TANC2: variants seen among roughly 807,000 people sequenced by gnomAD.
TANC2 encodes the protein protein TANC2.
TANC2 carries 26 observed loss-of-function variants against 210.5 expected under a neutral mutation model. The ratio of observed to expected loss-of-function variants is 0.12; its 90% confidence interval spans 0.09 to 0.17. The LOEUF is 0.17. TANC2 is among the 10% of genes least tolerant of loss of function. TANC2 has a pLI of 1.00. For synonymous variants in TANC2, 931 were observed against 967.1 expected (o/e 0.96, Z 0.69); for missense variants, 2,129 against 2,608.9 (o/e 0.82, Z 4.01).
At chr17:63,125,612 T>A (rs2038679048) in intron 4 of TANC2, among the ~76,000 whole-genome samples, 1 of 152,336 alleles carries the variant, frequency 6.6e-6, no homozygotes, top group African/African-American at 2.4e-5. Flanking sequence ...ACCATTAATG[T>A]TCAGAGTATT....
At chr17:63,160,384 TA>T (rs935539295) in intron 5 of TANC2, among the ~76,000 whole-genome samples, 1 of 152,156 alleles carries the variant, frequency 6.6e-6, no homozygotes, top group Non-Finnish European at 1.5e-5. Context: ...TACACAAAAT[TA>T]AAAAATAGTT....
intron 1 of TANC2, among the ~76,000 whole-genome samples, chr17:62,975,254 G>A (rs892058929): frequency 1.3e-5 from 2 of 152,128 alleles, no homozygotes; most frequent in African/African-American, 4.8e-5. Flanking sequence ...ATTGGGTGGA[G>A]GAATCCCACA....
chr17:63,309,552 A>G (rs566274242), intron 9 of TANC2, among the ~76,000 whole-genome samples: 9 of 152,324 alleles, frequency 5.9e-5, no homozygotes, highest in Middle Eastern at 3.4e-3. Flanking sequence ...TGTGTAATAT[A>G]TATCTGCTAA....
chr17:63,423,877 G>C (rs2049082284), exon 28 of TANC2: 1 of 152,342 alleles, frequency 6.6e-6, no homozygotes, highest in Non-Finnish European at 1.5e-5. Context: ...CGCCTTCTCA[G>C]CTAGACCAGG....
chr17:63,198,642 TTCAATAAG>T (rs1282139655), intron 6 of TANC2, among the ~76,000 whole-genome samples: 1 of 152,176 alleles, frequency 6.6e-6, no homozygotes, highest in Non-Finnish European at 1.5e-5. Flanking sequence ...CCAATTCCAA[TTCAATAAG>T]TCTGGAGTGG....
intron 1 of TANC2, among the ~76,000 whole-genome samples, chr17:62,991,249 T>C (rs2032846211): frequency 6.6e-6 from 1 of 152,198 alleles, no homozygotes; most frequent in East Asian, 1.9e-4. Context: ...ATTTTATGCA[T>C]GTTTTATGCA....
chr17:63,190,088 A>C (rs1036996423), intron 5 of TANC2, among the ~76,000 whole-genome samples: 1 of 152,154 alleles, frequency 6.6e-6, no homozygotes, highest in Non-Finnish European at 1.5e-5. Context: ...TAATTTTAGC[A>C]CTTTGGGAGG....
intron 2 of TANC2, among the ~76,000 whole-genome samples, chr17:63,055,607 T>G (rs938208706): frequency 6.6e-5 from 10 of 151,944 alleles, no homozygotes; most frequent in Non-Finnish European, 4.4e-5. Context: ...CTCTATTCTA[T>G]TTCCTGTACT....
intron 8 of TANC2, among the ~76,000 whole-genome samples, chr17:63,267,479 C>T (rs1329708219): frequency 6.6e-6 from 1 of 152,108 alleles, no homozygotes; most frequent in Admixed American, 6.5e-5. Context: ...TTTAATCCCT[C>T]TGTTTAAGGT....
At chr17:63,060,575 G>A (rs569443872) in intron 2 of TANC2, among the ~76,000 whole-genome samples, 15 of 152,088 alleles carry the variant, frequency 9.9e-5, no homozygotes, top group African/African-American at 3.6e-4. Context: ...TGCTGAGATC[G>A]CACCACTGCA....
intron 8 of TANC2, among the ~76,000 whole-genome samples, chr17:63,241,871 A>G (rs2146085638): frequency 6.6e-6 from 1 of 152,354 alleles, no homozygotes; most frequent in South Asian, 2.1e-4. Flanking sequence ...TACTGATACA[A>G]GATAGCAAAG....
intron 3 of TANC2, among the ~76,000 whole-genome samples, chr17:63,086,967 T>A (rs2036991892): frequency 1.3e-5 from 2 of 152,222 alleles, no homozygotes; most frequent in African/African-American, 2.4e-5. Context: ...AAATAAAAGC[T>A]GGCCACCCCA....
At chr17:63,278,458 T>TA (rs200580150) in intron 9 of TANC2, among the ~76,000 whole-genome samples, 73 of 149,124 alleles carry the variant, frequency 4.9e-4, no homozygotes, top group African/African-American at 1.5e-3. Flanking sequence ...GGCCATTATT[T>TA]AAAAAAAAAA....
At chr17:63,198,635 A>G (rs769681593) in intron 6 of TANC2, among the ~76,000 whole-genome samples, 9 of 152,212 alleles carry the variant, frequency 5.9e-5, no homozygotes, top group Admixed American at 2.6e-4. Flanking sequence ...AAGGATTCCA[A>G]TTCCAATTCA....
chr17:63,065,329 A>G (rs1187068027), intron 2 of TANC2, among the ~76,000 whole-genome samples: 1 of 152,204 alleles, frequency 6.6e-6, no homozygotes, highest in African/African-American at 2.4e-5. Context: ...GGTTGATTCC[A>G]TATCTCTTGG....
At chr17:63,270,044 G>C (rs1261770969) in intron 9 of TANC2, among the ~76,000 whole-genome samples, 1 of 152,072 alleles carries the variant, frequency 6.6e-6, no homozygotes, top group Non-Finnish European at 1.5e-5. Flanking sequence ...TATTTTTCAA[G>C]AGCTTTCCTT....
At position 63,039,502 on chromosome 17, in the gene TANC2, A is replaced by G. The variant is rs1217495329; in HGVS notation, c.67+29876A>G. Among the ~76,000 whole-genome samples the G allele has an allele frequency of 2.0e-5, 3 of 152,194 alleles. No homozygotes were observed. The East Asian group carries it at 5.8e-4, about 29-fold the overall frequency. ...GCACCTGTGGGTTTGAGTGCGTTCA[A>G]TATACAGACTGCAGTAGGAGGCTGG... On this transcript the variant is annotated intron_variant, in intron 2 of 27. Transcript: ENST00000689528.
At chr17:63,291,734 C>T (rs755220799) in intron 9 of TANC2, among the ~76,000 whole-genome samples, 2 of 152,148 alleles carry the variant, frequency 1.3e-5, no homozygotes, top group South Asian at 2.1e-4. Context: ...TACATTTCCT[C>T]GTTTAACCTT....
chr17:63,397,346 T>G (rs1008173583), intron 18 of TANC2, among the ~76,000 whole-genome samples: 9 of 152,174 alleles, frequency 5.9e-5, no homozygotes, highest in Admixed American at 5.9e-4. Flanking sequence ...TATAATACTC[T>G]TAATTGAAAG....
Sources: allele counts gnomAD v4.1 joint callset (sites outside exome capture counted in the v4.1 genomes callset), GRCh38; gene constraint gnomAD v4.1.1; transcripts MANE v1.5; gene names NCBI Gene and HGNC (gene_info 2026-07-23, HGNC 2026-07-21).